DPCD: variants seen among roughly 807,000 people sequenced by gnomAD.
DPCD encodes deleted in primary ciliary dyskinesia homolog (mouse).
Under a neutral mutation model 26.4 loss-of-function variants are expected in DPCD, and 20 were observed. The ratio of observed to expected loss-of-function variants is 0.76; its 90% CI spans 0.53 to 1.10. The LOEUF (loss-of-function observed/expected upper bound fraction) is 1.10, where lower values mean the gene tolerates loss of function less well. Ranked by LOEUF, DPCD falls within the 50% of genes least tolerant of loss-of-function variation. The probability of loss-of-function intolerance (pLI) is 0.00; values close to 1 mark genes in which losing one functional copy is unlikely to be tolerated. For synonymous variants in DPCD, 97 were observed against 94.2 expected (o/e 1.03, Z -0.17); for missense variants, 202 against 253.9 (o/e 0.80, Z 1.39).
At chr10:101,608,766 AGAGGGCCT>A in intron 4 of DPCD, 61 bp from the exon 5 acceptor site, 1 of 1,022,918 alleles carries the variant, frequency 9.8e-7, no homozygotes. Flanking sequence ...GCTAGGCAGC[AGAGGGCCT>A]GACGCCTGGC....
At chr10:101,604,262 C>T (rs2134777845) in intron 4 of DPCD, among the ~76,000 whole-genome samples, 1 of 152,352 alleles carries the variant, frequency 6.6e-6, no homozygotes, top group South Asian at 2.1e-4. Context: ...TATATAAAGT[C>T]AGCATGATGA....
At chr10:101,605,876 G>C in intron 4 of DPCD, among the ~76,000 whole-genome samples, 1 of 152,198 alleles carries the variant, frequency 6.6e-6, no homozygotes, top group East Asian at 1.9e-4. Context: ...CCAGCTTTGT[G>C]AGTTGGGCAA....
In DPCD at chr10:101,600,829, G is replaced by A. The variant is rs761255778; in HGVS notation, c.237G>A (p.Leu79=). The A allele has an allele frequency of 1.9e-6, 3 of 1,613,964 alleles. 1 individual carries two copies. The Admixed American group carries it at 5.0e-5, about 27-fold the overall frequency. Reference sequence around the variant, plus strand: ...CAGCGCCCCTAGGAGCAGGGAACCTGGGGCCTGAACTCATCAAGGAAAGCA... The same window carrying A: ...CAGCGCCCCTAGGAGCAGGGAACCTAGGGCCTGAACTCATCAAGGAAAGCA... The part of the protein sequence containing the change: ...GDPAPLGAGN[L]GPELIKESNA... The change falls in exon 3 of 6, where the codon CTG becomes CTA. Residue 79 remains leucine (L), a synonymous_variant. Transcript: ENST00000370151. This position sits in a 1 kb window ranked among gnomAD's most constrained non-coding sequence, Gnocchi z 4.7.
rs989933792 is a variant in DPCD, at chr10:101,594,440, A to C, written c.65-218A>C. Among the ~76,000 whole-genome samples the C allele has an allele frequency of 2.0e-5, 3 of 152,204 alleles. No individual in the cohort carries two copies. In the East Asian group the frequency reaches 5.8e-4, roughly 29 times the overall value. On this transcript the variant is annotated intron_variant, in intron 1 of 5. Transcript: ENST00000370151. ...AGCTGTTGCTGGTAGAGGAAACAGC[A>C]GGGCAAAGATGTTCAAGGAAAGCTT...
chr10:101,598,782 A>G (rs910625089), intron 2 of DPCD, among the ~76,000 whole-genome samples: 1 of 151,616 alleles, frequency 6.6e-6, no homozygotes, highest in African/African-American at 2.4e-5. Flanking sequence ...GTGCCACCAC[A>G]CCCAGCTAAT....
intron 4 of DPCD, among the ~76,000 whole-genome samples, chr10:101,602,840 C>G (rs1426419975): frequency 1.3e-5 from 2 of 152,184 alleles, no homozygotes; most frequent in Non-Finnish European, 2.9e-5. Flanking sequence ...AGGTCACTGT[C>G]GAATACAGAT....
intron 2 of DPCD, among the ~76,000 whole-genome samples, chr10:101,598,205 G>A (rs1409681108): frequency 6.6e-6 from 1 of 152,010 alleles, no homozygotes; most frequent in African/African-American, 2.4e-5. Context: ...TATGCATTAG[G>A]ACACCCATTT....
chr10:101,601,370 G>A, intron 4 of DPCD, 34 bp downstream of exon 4: 3 of 1,606,568 alleles, frequency 1.9e-6, no homozygotes, highest in Admixed American at 1.7e-5. Flanking sequence ...GTGTGCTTGT[G>A]TATGAGCGGG....
At chr10:101,607,305 C>T (rs1259876133) in intron 4 of DPCD, among the ~76,000 whole-genome samples, 1 of 152,186 alleles carries the variant, frequency 6.6e-6, no homozygotes, top group East Asian at 1.9e-4. Context: ...CAGGAAGAGC[C>T]CTCAGCCTGA....
rs916721165 is a variant in DPCD, at chr10:101,603,450, ATTTT to A, written c.404+2121_404+2124del. Among the ~76,000 whole-genome samples the A allele has an allele frequency of 6.7e-6, 1 of 148,400 alleles. No homozygotes were observed. The highest frequency in any genetic ancestry group is 2.5e-5 in the African/African-American group (1 of 40,498). ...TTTTTATTTTTATTTTTATTTATTT[ATTTT>A]TTTTTTAAGAGATGGAGTCTTGGCT... On this transcript the variant is annotated intron_variant, in intron 4 of 5. Transcript: ENST00000370151. This position sits in a 1 kb window ranked among gnomAD's most constrained non-coding sequence, Gnocchi z 4.6.
chr10:101,607,141 T>G (rs2063738032), intron 4 of DPCD, among the ~76,000 whole-genome samples: 1 of 152,226 alleles, frequency 6.6e-6, no homozygotes, highest in Non-Finnish European at 1.5e-5. Context: ...TCTGCTGGGC[T>G]GCTTCCCTCC....
chr10:101,599,559 A>C (rs917210667), intron 2 of DPCD, among the ~76,000 whole-genome samples: 3 of 152,266 alleles, frequency 2.0e-5, no homozygotes, highest in African/African-American at 7.2e-5. Context: ...CTAATTTTAC[A>C]GCACACTTTT....
intron 4 of DPCD, chr10:101,605,184 G>A (rs1353743308): frequency 1.3e-6 from 2 of 1,550,476 alleles, no homozygotes; most frequent in Admixed American, 2.0e-5. Flanking sequence ...GCCATGCGGT[G>A]TGCAGGTGTG....
In DPCD at chr10:101,595,257, G is replaced by A. The variant is rs533150186; in HGVS notation, c.145+519G>A. 2.6e-4 allele frequency among the ~76,000 whole-genome samples: 40 copies of A among 152,300 alleles called. No homozygotes were observed. The South Asian group carries it at 5.4e-3, about 21-fold the overall frequency. ...AGGGTCAAAACAGTGATTTTGCAGCGTGGTCACTTTCATTCCTGCAGCGCC... is the reference window on the plus strand; with the variant it reads ...AGGGTCAAAACAGTGATTTTGCAGCATGGTCACTTTCATTCCTGCAGCGCC... On this transcript the variant is annotated intron_variant, in intron 2 of 5. Transcript: ENST00000370151.
At chr10:101,608,767 G>T in intron 4 of DPCD, 68 bp from the exon 5 acceptor site, 3 of 1,045,924 alleles carry the variant, frequency 2.9e-6, no homozygotes, top group Non-Finnish European at 3.0e-6. Flanking sequence ...CTAGGCAGCA[G>T]AGGGCCTGAC....
intron 1 of DPCD, among the ~76,000 whole-genome samples, chr10:101,592,742 G>A (rs569383681): frequency 1.1e-3 from 167 of 151,378 alleles, no homozygotes; most frequent in South Asian, 3.1e-3. Context: ...TTGGCCGGGC[G>A]TGGTGGCTCA....
At chr10:101,604,235 A>G (rs1459794012) in intron 4 of DPCD, among the ~76,000 whole-genome samples, 2 of 152,246 alleles carry the variant, frequency 1.3e-5, no homozygotes, top group Non-Finnish European at 1.5e-5. Flanking sequence ...TGTGTTATAG[A>G]TGATTATATA....
At chr10:101,594,186 T>C (rs1016583259) in intron 1 of DPCD, among the ~76,000 whole-genome samples, 4 of 94,832 alleles carry the variant, frequency 4.2e-5, no homozygotes, top group African/African-American at 1.4e-4. Flanking sequence ...CATAGAGAGA[T>C]AAATACGATG....
At chr10:101,595,870 G>A (rs1015961871) in intron 2 of DPCD, among the ~76,000 whole-genome samples, 1 of 152,090 alleles carries the variant, frequency 6.6e-6, no homozygotes, top group African/African-American at 2.4e-5. Flanking sequence ...TGCTCCCAGG[G>A]GATGACAGCC....
Sources: gnomAD v4.1 joint callset for allele counts (sites outside exome capture counted in the v4.1 genomes callset) on GRCh38, gnomAD v4.1.1 for gene constraint, Gnocchi (gnomAD v3.1) non-coding constraint, MANE v1.5 for transcripts, NCBI Gene and HGNC (gene_info 2026-07-23, HGNC 2026-07-21) for gene names.